Variants in PTPRT observed in about 807,000 individuals in gnomAD.
The protein encoded by PTPRT is receptor-type tyrosine-protein phosphatase T.
Under a neutral mutation model 176.8 loss-of-function variants are expected in PTPRT, and 56 were observed. The ratio of observed to expected loss-of-function variants is 0.32; its 90% CI spans 0.26 to 0.40. The LOEUF (loss-of-function observed/expected upper bound fraction) is 0.40, where lower values mean the gene tolerates loss of function less well. Ranked by LOEUF, PTPRT falls within the 10% of genes least tolerant of loss-of-function variation. The probability of loss-of-function intolerance (pLI) is 1.00; values close to 1 mark genes in which losing one functional copy is unlikely to be tolerated. For synonymous variants in PTPRT, 783 were observed against 739.0 expected, an observed-to-expected ratio of 1.06 and a Z score of -0.96; for missense variants, 1,540 against 1,908.2, an observed-to-expected ratio of 0.81 and a Z score of 3.60.
chr20:43,013,798 T>C (rs1450716235), intron 1 of PTPRT, among the ~76,000 whole-genome samples: 1 of 152,152 alleles, frequency 6.6e-6, no homozygotes, highest in African/African-American at 2.4e-5. Flanking sequence ...CAGCAAGACA[T>C]AGGGAGCTAG....
intron 19 of PTPRT, among the ~76,000 whole-genome samples, chr20:42,123,860 G>A (rs953791279): frequency 2.6e-5 from 4 of 152,096 alleles, no homozygotes; most frequent in South Asian, 2.1e-4. Context: ...CTTACTTTTC[G>A]TTAGATAACC....
chr20:42,395,982 G>C (rs917943691), intron 9 of PTPRT, among the ~76,000 whole-genome samples: 2 of 152,006 alleles, frequency 1.3e-5, no homozygotes, highest in Non-Finnish European at 2.9e-5. Context: ...TGCAAAGCTC[G>C]TGCATAGGCT....
intron 7 of PTPRT, among the ~76,000 whole-genome samples, chr20:42,491,722 A>G (rs6065493): frequency 0.038 from 5,793 of 152,290 alleles, 152 homozygotes; most frequent in Middle Eastern, 0.085. Context: ...CCCAACTTCC[A>G]GATCTATGAG....
At chr20:43,112,893 G>A (rs1466853023) in intron 1 of PTPRT, among the ~76,000 whole-genome samples, 1 of 151,836 alleles carries the variant, frequency 6.6e-6, no homozygotes, top group African/African-American at 2.4e-5. Context: ...TGATATAAAC[G>A]TATCTCCTGG....
intron 7 of PTPRT, among the ~76,000 whole-genome samples, chr20:42,616,923 C>G (rs893670772): frequency 2.3e-5 from 3 of 131,738 alleles, no homozygotes; most frequent in African/African-American, 1.0e-4. Context: ...AATTGAATAC[C>G]CTTTATTTCC....
At chr20:42,721,009 G>T (rs1446596379) in intron 6 of PTPRT, among the ~76,000 whole-genome samples, 2 of 152,182 alleles carry the variant, frequency 1.3e-5, no homozygotes, top group Non-Finnish European at 2.9e-5. Context: ...AACTGACAAA[G>T]TGTAACAAGT....
At chr20:42,679,425 C>T (rs1042077403) in intron 6 of PTPRT, among the ~76,000 whole-genome samples, 2 of 151,968 alleles carry the variant, frequency 1.3e-5, no homozygotes, top group African/African-American at 2.4e-5. Context: ...AAGCTGTCTG[C>T]CTCTTAATAC....
At position 42,110,455 on chromosome 20, in the gene PTPRT, G is replaced by C; in HGVS notation, c.3132C>G (p.Leu1044=). The C allele has an allele frequency of 2.5e-6, 4 of 1,611,086 alleles. No homozygotes were observed. The highest frequency in any genetic ancestry group is 3.4e-6 in the Non-Finnish European group (4 of 1,177,826). Residue 1044 remains leucine (L), a synonymous_variant, in exon 23 of 31, where the codon CTC becomes CTG. Coordinates refer to ENST00000373187, the MANE Select transcript of PTPRT (RefSeq NM_007050.6). ...GGTCAGGCCAGCTGGTGAAGTGGAA[G>C]AGGCGGAGCTCCCGGATCTCATGGT... The part of the protein sequence containing the change: ...KGYHEIRELR[L]FHFTSWPDHG...
intron 16 of PTPRT, among the ~76,000 whole-genome samples, chr20:42,175,804 G>C (rs533948508): frequency 3.3e-5 from 5 of 152,192 alleles, no homozygotes; most frequent in African/African-American, 1.2e-4. Context: ...ATGGATTGAA[G>C]GATGGATAGA....
Position 42,080,704 on chromosome 20 carries a change from A to G in PTPRT, c.*175T>C. ...TTGGAGCAGCATCTCCCACGGCAAC[A>G]GGAGACCCCTCAGAAGGTGCAGAGC... On this transcript the variant is annotated 3_prime_UTR_variant, in exon 31 of 31. Coordinates refer to ENST00000373187, the MANE Select transcript of PTPRT (RefSeq NM_007050.6). 1 of 525,210 alleles carries G rather than the reference A, an allele frequency of 1.9e-6. No homozygotes were observed. The highest frequency in any genetic ancestry group is 3.3e-6 in the Non-Finnish European group (1 of 298,950). The allele number at this position is 525,210 out of a possible 1,614,324, so 32.5% of individuals were successfully genotyped here. A position where few individuals can be genotyped will look rare whatever the true frequency, so the allele number is the denominator to read the frequency against.
intron 2 of PTPRT, among the ~76,000 whole-genome samples, chr20:42,799,142 A>T (rs1250701616): frequency 1.3e-5 from 2 of 151,936 alleles, no homozygotes; most frequent in Admixed American, 1.3e-4. Context: ...TGAAGAAAGG[A>T]GGGAAAAGGG....
chr20:43,149,084 A>T (rs1256197111), intron 1 of PTPRT, among the ~76,000 whole-genome samples: 2 of 152,366 alleles, frequency 1.3e-5, no homozygotes, highest in East Asian at 3.9e-4. Context: ...AATTACATAT[A>T]TTACCAATAT....
intron 1 of PTPRT, among the ~76,000 whole-genome samples, chr20:43,140,975 C>A (rs2013985737): frequency 6.6e-6 from 1 of 152,184 alleles, no homozygotes; most frequent in Non-Finnish European, 1.5e-5. Flanking sequence ...AGGCCAAAGA[C>A]TCTCTCCAAA....
chr20:42,676,795 T>C (rs1450524765), intron 7 of PTPRT, among the ~76,000 whole-genome samples: 2 of 152,242 alleles, frequency 1.3e-5, no homozygotes, highest in Non-Finnish European at 2.9e-5. Flanking sequence ...AAGAGCAAGT[T>C]AGTTTAATTT....
At chr20:42,877,988 G>T (rs1027301370) in intron 2 of PTPRT, among the ~76,000 whole-genome samples, 38 of 152,198 alleles carry the variant, frequency 2.5e-4, no homozygotes, top group Admixed American at 2.2e-3. Context: ...CAAATGTCCA[G>T]GACTACATGT....
At chr20:42,717,573 T>A (rs2076244099) in intron 6 of PTPRT, among the ~76,000 whole-genome samples, 1 of 149,758 alleles carries the variant, frequency 6.7e-6, no homozygotes, top group South Asian at 2.1e-4. Flanking sequence ...ATTCTAAAGA[T>A]AATGTGAGAC....
At position 42,366,432 on chromosome 20, in the gene PTPRT, G is replaced by A. The variant is rs6030173; in HGVS notation, c.1561-14147C>T. ...TCTGAGAGATTCTGGCACTTGCTTC[G>A]CTTCCCATCTCGTGGCTTCCCACTG... On this transcript the variant is annotated intron_variant, in intron 9 of 30. Coordinates refer to ENST00000373187, the MANE Select transcript of PTPRT (RefSeq NM_007050.6). 3.0e-4 allele frequency among the ~76,000 whole-genome samples: 45 copies of A among 152,140 alleles called. 1 individual carries two copies. The South Asian group carries it at 9.1e-3, about 31-fold the overall frequency.
At chr20:42,771,704 T>G (rs1386283085) in intron 4 of PTPRT, among the ~76,000 whole-genome samples, 154 bp from the exon 5 acceptor site, 1 of 152,182 alleles carries the variant, frequency 6.6e-6, no homozygotes, top group Admixed American at 6.5e-5. Flanking sequence ...GATCACTTAT[T>G]ATAAGTCTGG....
At chr20:42,702,015 C>T (rs1043004869) in intron 6 of PTPRT, among the ~76,000 whole-genome samples, 1 of 151,920 alleles carries the variant, frequency 6.6e-6, no homozygotes, top group Admixed American at 6.6e-5. Flanking sequence ...TTAACCCTTA[C>T]CCTAACCCGA....
Sources: allele counts gnomAD v4.1 joint callset (sites outside exome capture counted in the v4.1 genomes callset), GRCh38; gene constraint gnomAD v4.1.1; transcripts MANE v1.5; gene names NCBI Gene and HGNC (gene_info 2026-07-23, HGNC 2026-07-21).